PRUNE2: variants seen among roughly 807,000 people sequenced by gnomAD.
PRUNE2 encodes prune homolog 2 with BCH domain.
In PRUNE2, 164 loss-of-function variants were observed where a neutral mutation model predicts 252.0. That is an observed-to-expected ratio of 0.65 (90% confidence interval 0.57 to 0.74). The LOEUF (loss-of-function observed/expected upper bound fraction) is 0.74. Ranked by LOEUF, PRUNE2 falls within the 30% of genes least tolerant of loss-of-function variation. The pLI is 0.00. For synonymous variants in PRUNE2, 1,292 were observed against 1,350.2 expected, an observed-to-expected ratio of 0.96 and a Z score of 0.94; for missense variants, 3,495 against 3,711.0, an observed-to-expected ratio of 0.94 and a Z score of 1.51.
intron 6 of PRUNE2, among the ~76,000 whole-genome samples, chr9:76,719,123 T>A (rs958544308): frequency 6.9e-6 from 1 of 145,336 alleles, no homozygotes; most frequent in African/African-American, 2.8e-5. Context: ...CTTTATTTTA[T>A]TTTTTTTCCA....
chr9:76,734,790 C>T (rs774878365), intron 6 of PRUNE2, among the ~76,000 whole-genome samples: 14 of 152,180 alleles, frequency 9.2e-5, no homozygotes, highest in Non-Finnish European at 2.1e-4. Flanking sequence ...ATCCACTTGG[C>T]CACGGTGATG....
rs201891091 is a variant in PRUNE2, at chr9:76,656,072, A to G, written c.8277-570T>C. 9.2e-5 allele frequency among the ~76,000 whole-genome samples: 14 copies of G among 152,330 alleles called. No individual in the cohort carries two copies. The East Asian group carries it at 2.7e-3, about 29-fold the overall frequency. On this transcript the variant is annotated intron_variant, in intron 9 of 18. Transcript: ENST00000376718. ...TTTTTCTTCCTTTTTTGAATATTTA[A>G]AGAGTCACTGTGAATATATGTTGGT...
intron 9 of PRUNE2, among the ~76,000 whole-genome samples, chr9:76,677,862 G>A (rs995688804): frequency 7.9e-5 from 12 of 152,000 alleles, no homozygotes; most frequent in Admixed American, 1.3e-4. Context: ...GGACTGACCG[G>A]GGCAGACATA....
intron 9 of PRUNE2, among the ~76,000 whole-genome samples, chr9:76,664,944 T>C (rs2039839957): frequency 6.6e-6 from 1 of 152,208 alleles, no homozygotes; most frequent in Non-Finnish European, 1.5e-5. Context: ...CCACCATTTC[T>C]TCCTCATCCA....
At chr9:76,840,841 C>T (rs1431382406) in intron 4 of PRUNE2, among the ~76,000 whole-genome samples, 1 of 152,086 alleles carries the variant, frequency 6.6e-6, no homozygotes, top group East Asian at 1.9e-4. Flanking sequence ...ATTAGCCGGG[C>T]TTTGTGGCAG....
At chr9:76,628,891 C>T (rs1836160184) in intron 16 of PRUNE2, among the ~76,000 whole-genome samples, 1 of 151,426 alleles carries the variant, frequency 6.6e-6, no homozygotes, top group South Asian at 2.1e-4. Flanking sequence ...TGCCACCAGG[C>T]TGGAGTACAG....
rs767860715 is a variant in PRUNE2 at position 76,707,293 on chromosome 9, A to G, written c.4981T>C (p.Tyr1661His). 1.2e-6 allele frequency: 2 copies of G among 1,613,948 alleles called. No individual in the cohort carries two copies. Among genetic ancestry groups the G allele is most frequent in the African/African-American group, 2.7e-5 (2 of 75,046 alleles). The change falls in exon 8 of 19, where the codon TAC becomes CAC. Residue 1661 changes from tyrosine (Y) to histidine (H), a missense_variant. By Grantham distance (83) the Tyr-to-His change is moderately conservative. Coordinates refer to ENST00000376718, the MANE Select transcript of PRUNE2 (RefSeq NM_015225.3). ...ATGTCATGTTCATTTTTCTCCTGGT[A>G]GCTAGCAATTAGATTGCTTTCCTGA... is the stretch of plus-strand genomic sequence containing the variant. ...THQESNLIAS[Y>H]QEKNEHDISA...
chr9:76,786,582 A>G (rs1166330911), intron 6 of PRUNE2: 1 of 152,138 alleles, frequency 6.6e-6, no homozygotes, highest in African/African-American at 2.4e-5. Context: ...TCTCCAACAC[A>G]TCGCTTACCA....
intron 6 of PRUNE2, among the ~76,000 whole-genome samples, chr9:76,743,241 A>G (rs1192138562): frequency 1.3e-5 from 2 of 152,196 alleles, no homozygotes; most frequent in Admixed American, 1.3e-4. Flanking sequence ...GCATTTCTCT[A>G]TAGCAGCATG....
intron 6 of PRUNE2, chr9:76,785,701 A>G (rs2054903367): frequency 6.6e-6 from 1 of 152,100 alleles, no homozygotes; most frequent in Admixed American, 6.6e-5. Context: ...AAGAATTTAC[A>G]AAGAGCTACT....
At chr9:76,645,981 T>A (rs533718503) in intron 11 of PRUNE2, among the ~76,000 whole-genome samples, 7 of 152,362 alleles carry the variant, frequency 4.6e-5, no homozygotes, top group Admixed American at 2.0e-4. Context: ...ATTGGCATTA[T>A]ATGCAAAAAC....
At chr9:76,760,219 A>G (rs2051569821) in intron 6 of PRUNE2, among the ~76,000 whole-genome samples, 2 of 152,166 alleles carry the variant, frequency 1.3e-5, no homozygotes, top group Admixed American at 1.3e-4. Context: ...GGCACACAGC[A>G]GGCACTCCGT....
At chr9:76,788,469 C>G (rs894864735) in intron 6 of PRUNE2, 7 of 736,050 alleles carry the variant, frequency 9.5e-6, no homozygotes, top group Non-Finnish European at 1.3e-5. Context: ...AGCCAGAGTT[C>G]CTGGATTGAA....
chr9:76,776,577 C>T (rs1319771462), intron 6 of PRUNE2, among the ~76,000 whole-genome samples: 1 of 133,428 alleles, frequency 7.5e-6, no homozygotes, highest in Non-Finnish European at 1.5e-5. Flanking sequence ...GTGCAGTGCA[C>T]AATCTCGGCT....
At chr9:76,657,752 G>T in intron 9 of PRUNE2, among the ~76,000 whole-genome samples, 1 of 152,160 alleles carries the variant, frequency 6.6e-6, no homozygotes, top group East Asian at 1.9e-4. Flanking sequence ...CAGGAGCAGT[G>T]GTTTAATTAA....
At chr9:76,751,291 G>C (rs993363076) in intron 6 of PRUNE2, among the ~76,000 whole-genome samples, 1 of 149,984 alleles carries the variant, frequency 6.7e-6, no homozygotes, top group Admixed American at 6.6e-5. Flanking sequence ...CACACACACA[G>C]AAATCTTAGT....
At chr9:76,660,113 C>G (rs1850705785) in intron 9 of PRUNE2, among the ~76,000 whole-genome samples, 1 of 151,998 alleles carries the variant, frequency 6.6e-6, no homozygotes, top group Non-Finnish European at 1.5e-5. Context: ...TCCACAGGTG[C>G]CAGAAATAAA....
chr9:76,747,502 A>G (rs1458337082), intron 6 of PRUNE2, among the ~76,000 whole-genome samples: 1 of 152,138 alleles, frequency 6.6e-6, no homozygotes, highest in Non-Finnish European at 1.5e-5. Context: ...ACTGAGCCTC[A>G]GAGGGGACAA....
intron 1 of PRUNE2, 34 bp downstream of exon 1, chr9:76,905,894 C>T: frequency 6.2e-7 from 1 of 1,613,966 alleles, no homozygotes; most frequent in Non-Finnish European, 8.5e-7. Context: ...CATACGCGCG[C>T]GCGCACACAC....
Sources: allele counts gnomAD v4.1 joint callset (sites outside exome capture counted in the v4.1 genomes callset), GRCh38; gene constraint gnomAD v4.1.1; transcripts MANE v1.5; gene names NCBI Gene and HGNC (gene_info 2026-07-23, HGNC 2026-07-21).